LIMA1: variants seen among roughly 807,000 people sequenced by gnomAD.
The protein encoded by LIMA1 is LIM domain and actin binding 1, also known as LIM domain and actin-binding protein 1.
Under a neutral mutation model 62.6 loss-of-function variants are expected in LIMA1, and 52 were observed. The observed-to-expected ratio is 0.83, with a 90% CI of 0.67 to 1.05. The LOEUF (loss-of-function observed/expected upper bound fraction) is 1.05, where lower values mean the gene tolerates loss of function less well. Among genes scored for constraint, LIMA1 ranks in the 50% least tolerant of loss-of-function variants. The pLI is 0.00. For missense variants in LIMA1, 780 were observed against 902.2 expected, an observed-to-expected ratio of 0.86 and a Z score of 1.74; for synonymous variants, 302 against 317.8, an observed-to-expected ratio of 0.95 and a Z score of 0.53.
At position 50,244,781 on chromosome 12, in the gene LIMA1, C is replaced by G. The variant is rs1028325097; in HGVS notation, c.119+3852G>C. 3.3e-5 allele frequency among the ~76,000 whole-genome samples: 5 copies of G among 152,236 alleles called. No individual in the cohort carries two copies. The South Asian group carries it at 6.2e-4, about 19-fold the overall frequency. ...CTCTCCTTAGTGCTACTATAGGACC[C>G]AAATCCTAATGAGAACTGGCTGGGC... On this transcript the variant is annotated intron_variant, in intron 2 of 10. Coordinates refer to ENST00000341247, the MANE Select transcript of LIMA1 (RefSeq NM_016357.5).
At chr12:50,254,039 A>AC (rs1030632585) in intron 1 of LIMA1, among the ~76,000 whole-genome samples, 1 of 151,288 alleles carries the variant, frequency 6.6e-6, no homozygotes, top group African/African-American at 2.4e-5. Context: ...AAAAAAAAAA[A>AC]AAAAAAAAGA....
chr12:50,276,116 A>T (rs1203047350), intron 1 of LIMA1, among the ~76,000 whole-genome samples: 1 of 152,004 alleles, frequency 6.6e-6, no homozygotes, highest in Non-Finnish European at 1.5e-5. Context: ...TCTGCAAGGG[A>T]AAAACTGAAG....
intron 2 of LIMA1, among the ~76,000 whole-genome samples, chr12:50,232,902 G>T (rs924599324): frequency 6.6e-6 from 1 of 152,172 alleles, no homozygotes; most frequent in African/African-American, 2.4e-5. Flanking sequence ...GACGAGAATC[G>T]CCTCAACCCA....
At chr12:50,222,846 T>G (rs1941470811) in intron 3 of LIMA1, 1 of 353,674 alleles carries the variant, frequency 2.8e-6, no homozygotes, top group African/African-American at 2.1e-5. Context: ...AAAATACAAG[T>G]GCTTGAAACA....
At position 50,193,546 on chromosome 12, in the gene LIMA1, CATATATATCATAT is replaced by C. The variant is rs1194365247; in HGVS notation, c.1031-998_1031-986del. On this transcript the variant is annotated intron_variant, in intron 8 of 10. Coordinates refer to ENST00000341247, the MANE Select transcript of LIMA1 (RefSeq NM_016357.5). ...TATACACATATATGATATATATATA[CATATATATCATAT>C]ATGTATATATGATATATATATACAT... 2.5e-4 allele frequency among the ~76,000 whole-genome samples: 28 copies of C among 111,266 alleles called. No individual in the cohort carries two copies. The East Asian group carries it at 2.6e-3, about 10-fold the overall frequency. The allele number at this position is 111,266 out of a possible 152,430, so 73.0% of individuals were successfully genotyped here. A position where few individuals can be genotyped will look rare whatever the true frequency, so the allele number is the denominator to read the frequency against.
chr12:50,270,969 A>C (rs898985541), intron 1 of LIMA1, among the ~76,000 whole-genome samples: 1 of 152,088 alleles, frequency 6.6e-6, no homozygotes, highest in Admixed American at 6.6e-5. Flanking sequence ...GCGGGTGCCT[A>C]TGGTCCCAAT....
chr12:50,222,435 T>C lies in LIMA1; in HGVS notation c.216A>G (p.Leu72=). 6.2e-7 allele frequency: 1 copy of C among 1,614,186 alleles called. No individual in the cohort carries two copies. Among genetic ancestry groups the C allele is most frequent in the Non-Finnish European group, 8.5e-7 (1 of 1,180,006 alleles). Residue 72 remains leucine (L), a synonymous_variant, in exon 4 of 11, where the codon TTA becomes TTG. Transcript: ENST00000341247. ...GCCCTGGGTTCTCCCACTTCTTCTT[T>C]AACACAGTCAGGGTCCCCTTTCTAA... ...QHFRKGTLTV[L]KKKWENPGLG...
At chr12:50,255,893 A>AT (rs1941990451) in intron 1 of LIMA1, among the ~76,000 whole-genome samples, 1 of 151,990 alleles carries the variant, frequency 6.6e-6, no homozygotes, top group African/African-American at 2.4e-5. Flanking sequence ...GTTAATAGTT[A>AT]TTTATTTTTT....
At chr12:50,245,971 C>G (rs1037412958) in intron 2 of LIMA1, among the ~76,000 whole-genome samples, 1 of 151,508 alleles carries the variant, frequency 6.6e-6, no homozygotes, top group Non-Finnish European at 1.5e-5. Context: ...TGGTGGCTCA[C>G]GCCTGTAATC....
intron 8 of LIMA1, among the ~76,000 whole-genome samples, chr12:50,193,589 ATATGATATATATATACATG>A (rs1337138690): frequency 2.7e-5 from 3 of 110,426 alleles, no homozygotes; most frequent in African/African-American, 1.0e-4. Context: ...ATACATGTAT[ATATGATATATATATACATG>A]TATATATATA....
At position 50,180,296 on chromosome 12, in the gene LIMA1, T is replaced by A. The variant is rs554456972; in HGVS notation, c.1274+1608A>T. Among the ~76,000 whole-genome samples, 26 of 144,978 alleles carry A rather than the reference T, an allele frequency of 1.8e-4. 1 individual carries two copies. The Admixed American group carries it at 1.8e-3, about 10-fold the overall frequency. On this transcript the variant is annotated intron_variant, in intron 10 of 10. Transcript: ENST00000341247. ...GCCTGGGCGACAGAGCAAGACTCCA[T>A]CTCCGGAAAAAAAAAAAAAAAGAAA...
chr12:50,225,768 T>TCTA (rs1306984427), intron 3 of LIMA1, among the ~76,000 whole-genome samples: 2 of 152,136 alleles, frequency 1.3e-5, no homozygotes, highest in East Asian at 3.9e-4. Flanking sequence ...GCCAGGCTGG[T>TCTA]CCTGACCTCA....
chr12:50,200,122 C>T (rs1318269214), intron 7 of LIMA1, among the ~76,000 whole-genome samples: 2 of 151,954 alleles, frequency 1.3e-5, no homozygotes, highest in African/African-American at 2.4e-5. Context: ...CTCGAACTCT[C>T]GACCTCAGAT....
chr12:50,180,074 G>C (rs1940460379), intron 10 of LIMA1, among the ~76,000 whole-genome samples: 1 of 152,156 alleles, frequency 6.6e-6, no homozygotes, highest in Middle Eastern at 3.4e-3. Flanking sequence ...GCCGAGGAGG[G>C]CAGACTGACT....
At chr12:50,270,847 C>G (rs1489167142) in intron 1 of LIMA1, among the ~76,000 whole-genome samples, 1 of 152,102 alleles carries the variant, frequency 6.6e-6, no homozygotes, top group African/African-American at 2.4e-5. Flanking sequence ...AATCCCAGCA[C>G]TTTGGGAGGC....
chr12:50,240,160 G>A (rs1032746210), intron 2 of LIMA1, among the ~76,000 whole-genome samples: 1 of 152,014 alleles, frequency 6.6e-6, no homozygotes, highest in Non-Finnish European at 1.5e-5. Flanking sequence ...AAGGAAGGGA[G>A]GAAAGCATAC....
intron 1 of LIMA1, among the ~76,000 whole-genome samples, chr12:50,274,021 A>G (rs1270606567): frequency 1.3e-5 from 2 of 152,182 alleles, no homozygotes; most frequent in African/African-American, 2.4e-5. Flanking sequence ...TTGCACTCAG[A>G]TGGAACTTAA....
chr12:50,246,465 C>A (rs1477783455), intron 2 of LIMA1, among the ~76,000 whole-genome samples: 5 of 152,062 alleles, frequency 3.3e-5, no homozygotes, highest in Admixed American at 6.6e-5. Context: ...TCCCCCTTGA[C>A]CCCCAACAGC....
chr12:50,201,162 C>A, intron 6 of LIMA1: 2 of 1,163,584 alleles, frequency 1.7e-6, no homozygotes, highest in South Asian at 4.6e-5. Context: ...ACAGAACACC[C>A]CAAGCATACA....
Sources: gnomAD v4.1 joint callset for allele counts (sites outside exome capture counted in the v4.1 genomes callset) on GRCh38, gnomAD v4.1.1 for gene constraint, MANE v1.5 for transcripts, NCBI Gene and HGNC (gene_info 2026-07-23, HGNC 2026-07-21) for gene names.